TPST1: variants seen among roughly 807,000 people sequenced by gnomAD.
TPST1 encodes tyrosylprotein sulfotransferase 1.
In TPST1, 20 loss-of-function variants were observed where a neutral mutation model predicts 34.8. That is an observed-to-expected ratio of 0.57 (90% CI 0.40 to 0.84). The LOEUF (loss-of-function observed/expected upper bound fraction) is 0.84, where lower values mean the gene tolerates loss of function less well. Ranked by LOEUF, TPST1 falls within the 40% of genes least tolerant of loss-of-function variation. The pLI, the probability that TPST1 is intolerant of heterozygous loss-of-function variation, is 0.00. For synonymous variants in TPST1, 152 were observed against 159.4 expected (o/e 0.95, Z 0.35); for missense variants, 353 against 455.5 (o/e 0.78, Z 2.05).
chr7:66,335,956 C>T (rs140490694), intron 3 of TPST1, among the ~76,000 whole-genome samples: 2 of 152,316 alleles, frequency 1.3e-5, no homozygotes, highest in East Asian at 3.9e-4. Flanking sequence ...CCAGTGGACT[C>T]AGAAGAATTG....
At chr7:66,264,133 A>C (rs1185121439) in intron 2 of TPST1, among the ~76,000 whole-genome samples, 1 of 152,236 alleles carries the variant, frequency 6.6e-6, no homozygotes, top group African/African-American at 2.4e-5. Context: ...CTCCTGACTC[A>C]GAACTGCCCT....
At chr7:66,350,855 G>C (rs914623603) in intron 3 of TPST1, among the ~76,000 whole-genome samples, 7 of 152,046 alleles carry the variant, frequency 4.6e-5, no homozygotes, top group African/African-American at 1.7e-4. Context: ...GCAAAGTGTT[G>C]AAATAAACAT....
rs1789117019 is a variant in TPST1 at position 66,205,851 on chromosome 7, G to C, written c.-102+329G>C. 6.6e-6 allele frequency: 1 copy of C among 152,572 alleles called. No homozygotes were observed. Among genetic ancestry groups the C allele is most frequent in the African/African-American group, 2.4e-5 (1 of 41,436 alleles). The allele number at this position is 152,572 out of a possible 1,614,324, so 9.5% of individuals were successfully genotyped here. A position where few individuals can be genotyped will look rare whatever the true frequency, so the allele number is the denominator to read the frequency against. On this transcript the variant is annotated intron_variant, in intron 1 of 5. Transcript: ENST00000304842. The surrounding 1 kb of genome is among the most constrained non-coding windows in gnomAD (Gnocchi z 5.0). ...TGGGATGAGACCCTCGTCTCGCCGG[G>C]ATCGGACATTTGCCCCCACGTCTAC...
rs184092787 is a variant in TPST1, at chr7:66,247,463, G to T, written c.845+6193G>T. On this transcript the variant is annotated intron_variant, in intron 2 of 5. Transcript: ENST00000304842. ...CAACAAAGAACTATGGAAAACCAAG[G>T]AGAGGTGCCTAACCCAGTCTGAGGT... 1.9e-3 allele frequency among the ~76,000 whole-genome samples: 291 copies of T among 152,206 alleles called. 2 individuals are homozygous for T. The highest frequency in any genetic ancestry group is 3.1e-3 in the Non-Finnish European group (211 of 68,000).
chr7:66,249,916 C>G (rs376458018), intron 2 of TPST1, among the ~76,000 whole-genome samples: 20 of 152,208 alleles, frequency 1.3e-4, no homozygotes, highest in African/African-American at 4.1e-4. Context: ...CAAGGCCCCC[C>G]TCTGTCTGGG....
At chr7:66,260,394 C>T (rs1008421530) in intron 2 of TPST1, among the ~76,000 whole-genome samples, 9 of 152,132 alleles carry the variant, frequency 5.9e-5, no homozygotes, top group Admixed American at 1.3e-4. Flanking sequence ...CACAAAATTT[C>T]GTATTTTGGA....
At chr7:66,340,366 A>G (rs942505406) in intron 3 of TPST1, among the ~76,000 whole-genome samples, 2 of 152,204 alleles carry the variant, frequency 1.3e-5, no homozygotes, top group Non-Finnish European at 2.9e-5. Flanking sequence ...CTTCTGTTCA[A>G]CTTAGTACTT....
intron 3 of TPST1, among the ~76,000 whole-genome samples, chr7:66,315,180 C>T (rs1285807415): frequency 6.6e-6 from 1 of 152,200 alleles, no homozygotes; most frequent in Non-Finnish European, 1.5e-5. Context: ...TGACTTAACA[C>T]GGTGTGGCCA....
At chr7:66,348,078 A>G (rs543101822) in intron 3 of TPST1, among the ~76,000 whole-genome samples, 1 of 152,312 alleles carries the variant, frequency 6.6e-6, no homozygotes, top group Admixed American at 6.5e-5. Flanking sequence ...CTTAGGCAAA[A>G]CACCTTGGAG....
At chr7:66,244,983 T>A (rs915837899) in intron 2 of TPST1, among the ~76,000 whole-genome samples, 12 of 152,054 alleles carry the variant, frequency 7.9e-5, no homozygotes, top group Non-Finnish European at 1.8e-4. Flanking sequence ...TTCTAATAAG[T>A]AAAGCAGACA....
Position 66,241,048 on chromosome 7 carries a change from A to G in TPST1, c.623A>G (p.Tyr208Cys). 3.1e-6 allele frequency: 5 copies of G among 1,614,222 alleles called. No homozygotes were observed. Among genetic ancestry groups the G allele is most frequent in the Non-Finnish European group, 4.2e-6 (5 of 1,180,036 alleles). Residue 208 changes from tyrosine to cysteine, a missense_variant, in exon 2 of 6, where the codon TAT (tyrosine) becomes TGT (cysteine). Physicochemically the swap from Tyr to Cys is radical, Grantham distance 194 (BLOSUM62 -2). Transcript: ENST00000304842. Reference sequence around the variant, plus strand: ...ATAGCTGGATTTGATCTGAACAGCTATAGGGACTGTTTGACAAAGTGGAAT... The same window carrying G: ...ATAGCTGGATTTGATCTGAACAGCTGTAGGGACTGTTTGACAAAGTGGAAT... The part of the protein sequence containing the change: ...VTIAGFDLNS[Y>C]RDCLTKWNRA...
chr7:66,316,366 C>T (rs955259174), intron 3 of TPST1, among the ~76,000 whole-genome samples: 1 of 152,144 alleles, frequency 6.6e-6, no homozygotes, highest in Non-Finnish European at 1.5e-5. Context: ...TTTTGTGAAT[C>T]TTACTGTGTG....
chr7:66,229,220 C>G (rs961547722), intron 1 of TPST1, among the ~76,000 whole-genome samples: 1 of 151,842 alleles, frequency 6.6e-6, no homozygotes, highest in Admixed American at 6.6e-5. Context: ...ACACCATTGT[C>G]CTGCCTCAGC....
chr7:66,229,403 C>T (rs1348581799), intron 1 of TPST1, among the ~76,000 whole-genome samples: 1 of 152,234 alleles, frequency 6.6e-6, no homozygotes, highest in Non-Finnish European at 1.5e-5. Flanking sequence ...AGCCACCGCA[C>T]CCGGCTGAGA....
At chr7:66,253,659 C>A (rs1317274837) in intron 2 of TPST1, among the ~76,000 whole-genome samples, 2 of 151,898 alleles carry the variant, frequency 1.3e-5, no homozygotes, top group Non-Finnish European at 2.9e-5. Context: ...GCATGAGCCA[C>A]TGCACCCAGT....
intron 5 of TPST1, among the ~76,000 whole-genome samples, chr7:66,357,446 C>T (rs1399754451): frequency 6.6e-6 from 1 of 152,186 alleles, no homozygotes; most frequent in African/African-American, 2.4e-5. Context: ...GTTGGTTTTT[C>T]AAGTTTGCCC....
chr7:66,281,653 A>G (rs949238492), intron 2 of TPST1, among the ~76,000 whole-genome samples: 1 of 152,214 alleles, frequency 6.6e-6, no homozygotes, highest in African/African-American at 2.4e-5. Flanking sequence ...ATTTCATTAC[A>G]TGTTTTACTG....
intron 2 of TPST1, among the ~76,000 whole-genome samples, chr7:66,243,883 C>T (rs1386493288): frequency 6.6e-6 from 1 of 151,722 alleles, no homozygotes; most frequent in Non-Finnish European, 1.5e-5. Flanking sequence ...GAATTTATTG[C>T]CCACAGTCAG....
chr7:66,216,946 T>A (rs1789425503), intron 1 of TPST1, among the ~76,000 whole-genome samples: 1 of 152,250 alleles, frequency 6.6e-6, no homozygotes, highest in African/African-American at 2.4e-5. Flanking sequence ...CTTTTTTTGC[T>A]CATTGGTTAT....
Sources: gnomAD v4.1 joint callset for allele counts (sites outside exome capture counted in the v4.1 genomes callset) on GRCh38, gnomAD v4.1.1 for gene constraint, Gnocchi (gnomAD v3.1) non-coding constraint, MANE v1.5 for transcripts, NCBI Gene and HGNC (gene_info 2026-07-23, HGNC 2026-07-21) for gene names.